IKZF3: variants seen among roughly 807,000 people sequenced by gnomAD.
IKZF3 encodes IKAROS family zinc finger 3.
A neutral mutation model predicts 49.0 loss-of-function variants in IKZF3; 10 were observed. The ratio of observed to expected loss-of-function variants is 0.20; its 90% CI spans 0.13 to 0.35. IKZF3 has a LOEUF of 0.35. Ranked by LOEUF, IKZF3 falls within the 10% of genes least tolerant of loss-of-function variation. IKZF3 has a pLI of 1.00. For missense variants in IKZF3, 498 were observed against 664.8 expected, an observed-to-expected ratio of 0.75 and a Z score of 2.76; for synonymous variants, 209 against 228.2, an observed-to-expected ratio of 0.92 and a Z score of 0.76.
At chr17:39,854,937 GA>G (rs2062995092) in intron 1 of IKZF3, among the ~76,000 whole-genome samples, 1 of 152,198 alleles carries the variant, frequency 6.6e-6, no homozygotes, top group African/African-American at 2.4e-5. Flanking sequence ...AATGGTGTCT[GA>G]GTAGGAGAAT....
At chr17:39,770,025 G>A (rs571520755) in intron 7 of IKZF3, among the ~76,000 whole-genome samples, 6 of 152,240 alleles carry the variant, frequency 3.9e-5, no homozygotes, top group South Asian at 2.1e-4. Context: ...AGATGTTCAC[G>A]TGCATGCAAC....
At chr17:39,835,825 G>A (rs997618564) in intron 1 of IKZF3, 3 of 549,144 alleles carry the variant, frequency 5.5e-6, no homozygotes, top group Admixed American at 2.1e-5. Flanking sequence ...TTCTTGATGA[G>A]GACAATTTTA....
chr17:39,805,550 A>T lies in IKZF3; in HGVS notation c.164-12617T>A, dbSNP rs142577813. The stretch of plus-strand genomic sequence containing the variant: ...TTACCATCTGTAACATATTATTTAG[A>T]CTTTTACCCATCTCTGGTTCTTCCC... On this transcript the variant is annotated intron_variant, in intron 3 of 7. Transcript: ENST00000346872. 3.1e-4 allele frequency among the ~76,000 whole-genome samples: 47 copies of T among 152,338 alleles called. No homozygotes were observed. In the East Asian group the frequency reaches 8.7e-3, roughly 28 times the overall value.
At chr17:39,822,349 G>A (rs2061832047) in intron 3 of IKZF3, among the ~76,000 whole-genome samples, 1 of 152,148 alleles carries the variant, frequency 6.6e-6, no homozygotes, top group African/African-American at 2.4e-5. Flanking sequence ...GAATCATGGA[G>A]GTGGTTTCCC....
intron 3 of IKZF3, among the ~76,000 whole-genome samples, chr17:39,802,129 G>A (rs2061332841): frequency 2.1e-5 from 3 of 145,226 alleles, no homozygotes; most frequent in Non-Finnish European, 4.5e-5. Context: ...GGCTGAGGCA[G>A]GAGAATGCTG....
intron 3 of IKZF3, among the ~76,000 whole-genome samples, chr17:39,806,966 T>A (rs1419340865): frequency 6.6e-6 from 1 of 152,152 alleles, no homozygotes; most frequent in African/African-American, 2.4e-5. Flanking sequence ...GCCTTCAGTC[T>A]AACAGCCTTC....
At chr17:39,789,126 T>C (rs1408758061) in intron 5 of IKZF3, among the ~76,000 whole-genome samples, 1 of 152,062 alleles carries the variant, frequency 6.6e-6, no homozygotes, top group East Asian at 1.9e-4. Flanking sequence ...CAGGATATTT[T>C]TGAATAATAG....
intron 2 of IKZF3, among the ~76,000 whole-genome samples, chr17:39,831,156 C>T (rs1197125541): frequency 6.6e-6 from 1 of 151,918 alleles, no homozygotes. Context: ...CCGAGGCGGG[C>T]GGATCACCTG....
intron 3 of IKZF3, among the ~76,000 whole-genome samples, chr17:39,798,015 TAG>T (rs934306794): frequency 1.2e-4 from 19 of 152,140 alleles, no homozygotes; most frequent in African/African-American, 4.3e-4. Context: ...CTAGAATCCT[TAG>T]AGTCATCTTT....
chr17:39,823,993 C>A lies in IKZF3; in HGVS notation c.163+5394G>T, dbSNP rs149339414. Among the ~76,000 whole-genome samples, 267 of 152,310 alleles carry A rather than the reference C, an allele frequency of 1.8e-3. 1 individual carries two copies. Among genetic ancestry groups the A allele is most frequent in the African/African-American group, 6.2e-3 (259 of 41,568 alleles). On this transcript the variant is annotated intron_variant, in intron 3 of 7. Transcript: ENST00000346872. ...TAGAAGAGGGCCACCATCCTCCAGA[C>A]CCCAGAAGGGTAGATCCATTGACAG...
At chr17:39,820,752 G>A (rs546359345) in intron 3 of IKZF3, among the ~76,000 whole-genome samples, 1 of 152,262 alleles carries the variant, frequency 6.6e-6, no homozygotes, top group African/African-American at 2.4e-5. Context: ...CTGAGGCTGG[G>A]GCCACTAGAC....
chr17:39,788,266 C>T lies in IKZF3; in HGVS notation c.701G>A (p.Gly234Glu). 6.2e-7 allele frequency: 1 copy of T among 1,609,956 alleles called. No homozygotes were observed. The highest frequency in any genetic ancestry group is 8.5e-7 in the Non-Finnish European group (1 of 1,176,356). ...CRTFLQSTDP[G>E]DTASAEARHI... ...GTGTTGCGTGAACTCACCAGTGTCC[C>T]CTGGGTCAGTGCTCTGAAGAAATGT... The change falls in exon 6 of 8, where the codon GGG becomes GAG. Residue 234 changes from glycine (G) to glutamate (E), a missense_variant. Around this residue, in one of 3 missense-constraint regions of IKZF3, gnomAD observed 317 missense variants for 397.3 expected, o/e 0.80. Coordinates refer to ENST00000346872, the MANE Select transcript of IKZF3 (RefSeq NM_012481.5).
intron 3 of IKZF3, among the ~76,000 whole-genome samples, chr17:39,796,131 C>T (rs1297019463): frequency 1.3e-5 from 2 of 152,124 alleles, no homozygotes; most frequent in Non-Finnish European, 2.9e-5. Flanking sequence ...AGCCTCCAAA[C>T]ACAGTCCACC....
chr17:39,844,642 T>G (rs2062575721), intron 1 of IKZF3, among the ~76,000 whole-genome samples: 1 of 152,168 alleles, frequency 6.6e-6, no homozygotes, highest in African/African-American at 2.4e-5. Flanking sequence ...TTTTTTATTT[T>G]TTATTTTTTT....
chr17:39,805,688 A>G (rs1010134184), intron 3 of IKZF3, among the ~76,000 whole-genome samples: 2 of 152,224 alleles, frequency 1.3e-5, no homozygotes, highest in Non-Finnish European at 2.9e-5. Flanking sequence ...ACACAAGGGA[A>G]TGAGCTATCT....
chr17:39,776,885 T>TTTTTGTTCAATA (rs1490845747), intron 7 of IKZF3, among the ~76,000 whole-genome samples: 2 of 152,258 alleles, frequency 1.3e-5, no homozygotes, highest in Non-Finnish European at 2.9e-5. Flanking sequence ...GTGATAACTA[T>TTTTTGTTCAATA]TTTTGTTCAA....
At chr17:39,857,044 T>C (rs1442603356) in intron 1 of IKZF3, among the ~76,000 whole-genome samples, 1 of 152,192 alleles carries the variant, frequency 6.6e-6, no homozygotes, top group Non-Finnish European at 1.5e-5. Context: ...GAAGCACCTT[T>C]GTGGAACTGC....
chr17:39,766,658 GGTC>G (rs1567955913), intron 7 of IKZF3, among the ~76,000 whole-genome samples, 165 bp from the exon 8 acceptor site: 2 of 152,324 alleles, frequency 1.3e-5, no homozygotes, highest in Non-Finnish European at 2.9e-5. Flanking sequence ...AGGGGACACT[GGTC>G]GGCAGCAACG....
chr17:39,839,628 G>C (rs2062406586), intron 1 of IKZF3: 3 of 380,414 alleles, frequency 7.9e-6, no homozygotes, highest in Non-Finnish European at 1.5e-5. Flanking sequence ...CTGTTGCCCA[G>C]GCTGGAGTGC....
Sources: allele counts gnomAD v4.1 joint callset (sites outside exome capture counted in the v4.1 genomes callset), GRCh38; gene constraint gnomAD v4.1.1; regional missense constraint gnomAD v4.1.1; transcripts MANE v1.5; gene names NCBI Gene and HGNC (gene_info 2026-07-23, HGNC 2026-07-21).